The following AFAP1L2 variants were observed in gnomAD, a reference collection of about 807,000 sequenced individuals.
AFAP1L2 encodes actin filament-associated protein 1-like 2.
Under a neutral mutation model 99.3 loss-of-function variants are expected in AFAP1L2, and 46 were observed. The ratio of observed to expected loss-of-function variants is 0.46; its 90% confidence interval spans 0.37 to 0.59. The LOEUF (loss-of-function observed/expected upper bound fraction) is 0.59, where lower values mean the gene tolerates loss of function less well. AFAP1L2 is among the 20% of genes least tolerant of loss of function. The pLI, the probability that AFAP1L2 is intolerant of heterozygous loss-of-function variation, is 0.00. For missense variants in AFAP1L2, 959 were observed against 1,034.9 expected (o/e 0.93, Z 1.01); for synonymous variants, 397 against 419.1 (o/e 0.95, Z 0.64).
intron 1 of AFAP1L2, among the ~76,000 whole-genome samples, chr10:114,360,495 AGAT>A (rs1490743527): frequency 3.4e-5 from 4 of 116,260 alleles, no homozygotes; most frequent in African/African-American, 1.4e-4. Flanking sequence ...CTAGATAGAT[AGAT>A]AGATAGATAG....
At chr10:114,394,048 G>A (rs545583645) in intron 1 of AFAP1L2, among the ~76,000 whole-genome samples, 9 of 152,226 alleles carry the variant, frequency 5.9e-5, no homozygotes, top group Middle Eastern at 6.8e-3. Flanking sequence ...GGTGGTCAGC[G>A]AGTCACAGCA....
At chr10:114,357,230 C>T (rs560920308) in intron 1 of AFAP1L2, among the ~76,000 whole-genome samples, 2 of 152,296 alleles carry the variant, frequency 1.3e-5, no homozygotes, top group African/African-American at 4.8e-5. Context: ...CTCAAAAGGA[C>T]GCCTCGGATC....
intron 1 of AFAP1L2, among the ~76,000 whole-genome samples, chr10:114,351,886 C>T (rs1345873360): frequency 1.3e-5 from 2 of 152,208 alleles, no homozygotes; most frequent in African/African-American, 4.8e-5. Context: ...ATTAGTTCCA[C>T]ATCTTGGCTC....
At position 114,297,226 on chromosome 10, in the gene AFAP1L2, G is replaced by T. The variant is rs142855253; in HGVS notation, c.2301C>A (p.Ser767Arg). The T allele has an allele frequency of 7.0e-4, 1,125 of 1,613,850 alleles. 3 individuals are homozygous for T. The African/African-American group carries it at 0.013, about 19-fold the overall frequency. The change falls in exon 17 of 19, where the codon AGC becomes AGA. Residue 767 changes from serine (S) to arginine (R), a missense_variant. By Grantham distance (110) the Ser-to-Arg change is moderately radical. Around this residue, in one of 2 missense-constraint regions of AFAP1L2, gnomAD observed 576 missense variants for 562.1 expected, o/e 1.02. Transcript: ENST00000304129. ...CCGCAGTTCCAGCACTCACGCGGGGGCTCACATTCTCCAGGTGGGTGGTGT... is the reference window on the plus strand; with the variant it reads ...CCGCAGTTCCAGCACTCACGCGGGGTCTCACATTCTCCAGGTGGGTGGTGT... ...TVDTTHLENV[S>R]PRPKAVTPAS...
downstream of AFAP1L2, among the ~76,000 whole-genome samples, chr10:114,292,403 C>T (rs2039685482): frequency 6.6e-6 from 1 of 151,946 alleles, no homozygotes; most frequent in African/African-American, 2.4e-5. Context: ...GATAAAGAAA[C>T]TTACAGAGAT....
At chr10:114,324,280 G>A (rs963912288) in intron 4 of AFAP1L2, among the ~76,000 whole-genome samples, 2 of 152,092 alleles carry the variant, frequency 1.3e-5, no homozygotes, top group Admixed American at 6.5e-5. Flanking sequence ...GTCTCATTCT[G>A]TCACCCAGGC....
intron 1 of AFAP1L2, among the ~76,000 whole-genome samples, chr10:114,392,852 G>A (rs2057300632): frequency 6.6e-6 from 1 of 152,104 alleles, no homozygotes; most frequent in Admixed American, 6.5e-5. Context: ...ATAGAACAAG[G>A]TCCTTTGCAC....
intron 1 of AFAP1L2, among the ~76,000 whole-genome samples, chr10:114,372,711 T>A (rs946730689): frequency 1.3e-5 from 2 of 152,006 alleles, no homozygotes; most frequent in Non-Finnish European, 2.9e-5. Context: ...AATTAAAACA[T>A]ATGCAATGAA....
intron 10 of AFAP1L2, among the ~76,000 whole-genome samples, chr10:114,307,507 T>C (rs1391357005): frequency 1.3e-5 from 2 of 151,866 alleles, no homozygotes; most frequent in Non-Finnish European, 2.9e-5. Context: ...GTCCCTGCTA[T>C]ATACCCTGTA....
At chr10:114,341,817 T>G (rs145669005) in intron 1 of AFAP1L2, among the ~76,000 whole-genome samples, 1 of 152,246 alleles carries the variant, frequency 6.6e-6, no homozygotes, top group Non-Finnish European at 1.5e-5. Context: ...CAATTGTCCC[T>G]GTGTTACCAG....
At position 114,333,193 on chromosome 10, in the gene AFAP1L2, ACCAGCGTCAGTGATC is replaced by A; in HGVS notation, c.220+13_220+27del. On this transcript the variant is annotated intron_variant, in intron 3 of 18. Transcript: ENST00000304129. ...CCCCCATCCCAGGAGTGGCCATCAT[ACCAGCGTCAGTGATC>A]CCAGCCTCATACCTTTGCCTTGAGA... is the stretch of plus-strand genomic sequence containing the variant. 1 of 1,600,166 alleles carries A rather than the reference ACCAGCGTCAGTGATC, an allele frequency of 6.2e-7. No homozygotes were observed. Among genetic ancestry groups the A allele is most frequent in the Non-Finnish European group, 8.6e-7 (1 of 1,168,502 alleles).
intron 1 of AFAP1L2, among the ~76,000 whole-genome samples, chr10:114,369,842 T>G (rs1184214989): frequency 6.6e-6 from 1 of 152,170 alleles, no homozygotes; most frequent in Non-Finnish European, 1.5e-5. Flanking sequence ...GATAAAACCT[T>G]TGCACTTCAG....
intron 1 of AFAP1L2, among the ~76,000 whole-genome samples, chr10:114,369,226 G>C (rs1442704716): frequency 4.6e-5 from 7 of 152,126 alleles, no homozygotes. Context: ...AGAGGCCAAG[G>C]TGGTGGGAAA....
intron 1 of AFAP1L2, among the ~76,000 whole-genome samples, chr10:114,390,221 C>A (rs1477727536): frequency 1.3e-5 from 2 of 152,186 alleles, no homozygotes; most frequent in African/African-American, 4.8e-5. Context: ...TATATCTCAG[C>A]CATTGCTTCT....
At chr10:114,350,429 C>T (rs1257496407) in intron 1 of AFAP1L2, among the ~76,000 whole-genome samples, 2 of 152,206 alleles carry the variant, frequency 1.3e-5, no homozygotes, top group Non-Finnish European at 2.9e-5. Flanking sequence ...ATTTCCTCCC[C>T]CTCTGTGCCT....
At chr10:114,292,727 C>T (rs143090422), downstream of AFAP1L2, among the ~76,000 whole-genome samples, 38 of 151,682 alleles carry the variant, frequency 2.5e-4, 1 homozygote, top group African/African-American at 8.5e-4. Context: ...TTTTTTGAGA[C>T]GGAGTTTTGC....
chr10:114,300,105 A>T (rs562998235), intron 15 of AFAP1L2, 89 bp downstream of exon 15: 1 of 1,561,116 alleles, frequency 6.4e-7, no homozygotes, highest in Non-Finnish European at 8.7e-7. Context: ...ACGCCCTTTC[A>T]TATATACATC....
chr10:114,319,711 C>G (rs1234832695), intron 5 of AFAP1L2: 3 of 1,170,498 alleles, frequency 2.6e-6, no homozygotes, highest in Non-Finnish European at 3.4e-6. Context: ...GAGGAGCACG[C>G]CCAAGTGCAG....
intron 9 of AFAP1L2, among the ~76,000 whole-genome samples, 170 bp downstream of exon 9, chr10:114,308,263 C>T (rs563411457): frequency 6.6e-6 from 1 of 152,340 alleles, no homozygotes; most frequent in South Asian, 2.1e-4. Flanking sequence ...TGAAGCTTAA[C>T]TTCAATTTGG....
Sources: allele counts gnomAD v4.1 joint callset (sites outside exome capture counted in the v4.1 genomes callset), GRCh38; gene constraint gnomAD v4.1.1; regional missense constraint gnomAD v4.1.1; transcripts MANE v1.5; gene names NCBI Gene and HGNC (gene_info 2026-07-23, HGNC 2026-07-21).